Variants in TMEM106B observed in about 807,000 individuals in gnomAD.
TMEM106B encodes the protein transmembrane protein 106B.
A neutral mutation model predicts 31.1 loss-of-function variants in TMEM106B; 15 were observed. The observed-to-expected ratio is 0.48, with a 90% CI of 0.32 to 0.74. The LOEUF is 0.74. Ranked by LOEUF, TMEM106B falls within the 30% of genes least tolerant of loss-of-function variation. The pLI, the probability that TMEM106B is intolerant of heterozygous loss-of-function variation, is 0.03. For missense variants in TMEM106B, 283 were observed against 327.3 expected, an observed-to-expected ratio of 0.86 and a Z score of 1.04; for synonymous variants, 126 against 112.5, an observed-to-expected ratio of 1.12 and a Z score of -0.76.
chr7:12,213,790 C>G (rs1781628536), intron 1 of TMEM106B, among the ~76,000 whole-genome samples: 1 of 152,146 alleles, frequency 6.6e-6, no homozygotes, highest in African/African-American at 2.4e-5. Flanking sequence ...TGAACATTCT[C>G]TTAATGTTTG....
rs1475208014 is a variant in TMEM106B, at chr7:12,239,435, T to G, written c.*7460T>G. 6.6e-6 allele frequency: 1 copy of G among 152,184 alleles called. No individual in the cohort carries two copies. The highest frequency in any genetic ancestry group is 1.5e-5 in the Non-Finnish European group (1 of 68,032). 9.4% of individuals were successfully genotyped at this position (152,184 alleles called of 1,614,324 possible). On this transcript the variant is annotated 3_prime_UTR_variant, in exon 8 of 8. Transcript: ENST00000396668. ...GTTTTCTGGAACACTTTTCAATTAC[T>G]TACAGTAAGGAAATAGCACTTTTAA... is the stretch of plus-strand genomic sequence containing the variant.
chr7:12,213,484 G>A (rs372116228), intron 1 of TMEM106B, among the ~76,000 whole-genome samples: 8 of 152,128 alleles, frequency 5.3e-5, no homozygotes, highest in Admixed American at 3.3e-4. Flanking sequence ...CCTAGTTATC[G>A]TCTACCCAAA....
intron 3 of TMEM106B, among the ~76,000 whole-genome samples, chr7:12,221,224 T>G (rs894078386): frequency 9.9e-5 from 15 of 152,130 alleles, no homozygotes; most frequent in African/African-American, 3.6e-4. Context: ...TTGGTGACAC[T>G]AACAAAACTG....
At position 12,235,718 on chromosome 7, in the gene TMEM106B, A is replaced by G. The variant is rs997617361; in HGVS notation, c.*3743A>G. The G allele has an allele frequency of 6.6e-6, 1 of 151,716 alleles. No individual in the cohort carries two copies. Among genetic ancestry groups the G allele is most frequent in the Non-Finnish European group, 1.5e-5 (1 of 67,812 alleles). 9.4% of individuals were successfully genotyped at this position (151,716 alleles called of 1,614,324 possible). On this transcript the variant is annotated 3_prime_UTR_variant, in exon 8 of 8. Transcript: ENST00000396668. The stretch of plus-strand genomic sequence containing the variant: ...TAGAATAAACAGTTCTTTATATAAT[A>G]ATTATATTTTATTTAAGAAAATAGT...
rs763925906 is a variant in TMEM106B at position 12,214,949 on chromosome 7, C to G, written c.139C>G (p.Gln47Glu). The change falls in exon 2 of 8, where the codon CAG becomes GAG. Residue 47 changes from glutamine (Q) to glutamate (E), a missense_variant. Gln to Glu is a conservative substitution (Grantham distance 29, BLOSUM62 2). Coordinates refer to ENST00000396668, the MANE Select transcript of TMEM106B (RefSeq NM_001134232.2). Reference protein sequence around the residue: ...NEDGRNGDVSQFPYVEFTGRD... With the variant: ...NEDGRNGDVSEFPYVEFTGRD... ...AGATGGAAGAAATGGAGATGTCTCT[C>G]AGTTTCCATATGTGGAATTTACAGG... 49 of 1,614,050 alleles carry G rather than the reference C, an allele frequency of 3.0e-5. No homozygotes were observed. The highest frequency in any genetic ancestry group is 4.1e-5 in the Non-Finnish European group (48 of 1,179,944).
Position 12,243,183 on chromosome 7 carries a change from T to G in TMEM106B, c.*11208T>G, listed in dbSNP as rs1782263549. The G allele has an allele frequency of 6.6e-6, 1 of 152,094 alleles. No homozygotes were observed. 9.4% of individuals were successfully genotyped at this position (152,094 alleles called of 1,614,324 possible). A position where few individuals can be genotyped will look rare whatever the true frequency, so the allele number is the denominator to read the frequency against. On this transcript the variant is annotated 3_prime_UTR_variant, in exon 8 of 8. Transcript: ENST00000396668. ...CAAGAAGAGGAGGCCATTACATTAC[T>G]GTTGTATTAAAAAGTCAGTTCAGGC... is the stretch of plus-strand genomic sequence containing the variant.
chr7:12,219,825 A>G (rs2128524967), intron 3 of TMEM106B, among the ~76,000 whole-genome samples: 1 of 152,316 alleles, frequency 6.6e-6, no homozygotes, highest in East Asian at 1.9e-4. Context: ...AATGTCTAAA[A>G]GTCACATAAA....
Position 12,224,239 on chromosome 7 carries a change from A to G in TMEM106B, c.295A>G (p.Met99Val), listed in dbSNP as rs2128525980. The change falls in exon 4 of 8, where the codon ATG becomes GTG. Residue 99 changes from methionine to valine, a missense_variant. Transcript: ENST00000396668. ...TTTCCTTTTCAGAAAGCTGTATGTG[A>G]TGGCTTCTGTGTTTGTCTGTCTACT... is the stretch of plus-strand genomic sequence containing the variant. ...LRPRRTKLYV[M>V]ASVFVCLLLS... is the part of the protein sequence containing the mutation. 1 of 1,613,386 alleles carries G rather than the reference A, an allele frequency of 6.2e-7. No individual in the cohort carries two copies. Among genetic ancestry groups the G allele is most frequent in the Admixed American group, 1.7e-5 (1 of 59,974 alleles).
At chr7:12,228,854 A>G (rs913604168) in intron 4 of TMEM106B, among the ~76,000 whole-genome samples, 1 of 152,076 alleles carries the variant, frequency 6.6e-6, no homozygotes, top group Non-Finnish European at 1.5e-5. Flanking sequence ...TTTCCTAACT[A>G]TAAATGAATT....
At chr7:12,222,003 G>T (rs1781798767) in intron 3 of TMEM106B, among the ~76,000 whole-genome samples, 2 of 151,980 alleles carry the variant, frequency 1.3e-5, no homozygotes, top group Admixed American at 6.6e-5. Flanking sequence ...AACAACTTTG[G>T]GTCTTTATTT....
chr7:12,226,757 G>A (rs1395041115), intron 4 of TMEM106B, among the ~76,000 whole-genome samples: 2 of 152,048 alleles, frequency 1.3e-5, no homozygotes, highest in Non-Finnish European at 1.5e-5. Flanking sequence ...GCCGGTTTAA[G>A]GGCTTTTTCT....
Position 12,237,722 on chromosome 7 carries a change from G to C in TMEM106B, c.*5747G>C, listed in dbSNP as rs1266347660. 1 of 151,738 alleles carries C rather than the reference G, an allele frequency of 6.6e-6. No individual in the cohort carries two copies. Among genetic ancestry groups the C allele is most frequent in the East Asian group, 1.9e-4 (1 of 5,140 alleles). The allele number at this position is 151,738 out of a possible 1,614,324, so 9.4% of individuals were successfully genotyped here. ...GCAGTGGCTCACACCTGTAATCCCA[G>C]CACTTTCGGAGGCCAAGGTGGGAGG... On this transcript the variant is annotated 3_prime_UTR_variant, in exon 8 of 8. Transcript: ENST00000396668.
At chr7:12,218,823 C>G (rs555279668) in intron 3 of TMEM106B, among the ~76,000 whole-genome samples, 1 of 150,678 alleles carries the variant, frequency 6.6e-6, no homozygotes, top group Non-Finnish European at 1.5e-5. Context: ...AAGGTGTACT[C>G]CACAACCCCA....
In TMEM106B at chr7:12,236,729, C is replaced by T. The variant is rs1043485461; in HGVS notation, c.*4754C>T. 3 of 151,854 alleles carry T rather than the reference C, an allele frequency of 2.0e-5. No homozygotes were observed. Among genetic ancestry groups the T allele is most frequent in the Non-Finnish European group, 4.4e-5 (3 of 67,890 alleles). 9.4% of individuals were successfully genotyped at this position (151,854 alleles called of 1,614,324 possible). A position where few individuals can be genotyped will look rare whatever the true frequency, so the allele number is the denominator to read the frequency against. On this transcript the variant is annotated 3_prime_UTR_variant, in exon 8 of 8. Transcript: ENST00000396668. ...TCCAAGTGCTGATAGTACTATTCATCTTTTTTATTATTGTGTCAGATGAAA... is the reference window on the plus strand; with the variant it reads ...TCCAAGTGCTGATAGTACTATTCATTTTTTTTATTATTGTGTCAGATGAAA...
In TMEM106B at chr7:12,238,569, T is replaced by A. The variant is rs1001463140; in HGVS notation, c.*6594T>A. The A allele has an allele frequency of 1.3e-5, 2 of 152,190 alleles. No homozygotes were observed. Among genetic ancestry groups the A allele is most frequent in the Non-Finnish European group, 2.9e-5 (2 of 68,066 alleles). 9.4% of individuals were successfully genotyped at this position (152,190 alleles called of 1,614,324 possible). ...GATCCATCAGAGGAATCACTACCTA[T>A]GACAGCTATGGTCTTACAAAATGTA... is the stretch of plus-strand genomic sequence containing the variant. On this transcript the variant is annotated 3_prime_UTR_variant, in exon 8 of 8. Coordinates refer to ENST00000396668, the MANE Select transcript of TMEM106B (RefSeq NM_001134232.2).
At chr7:12,215,091 A>T in intron 2 of TMEM106B, 64 bp downstream of exon 2, 1 of 1,443,626 alleles carries the variant, frequency 6.9e-7, no homozygotes, top group Non-Finnish European at 9.4e-7. Context: ...TATTATAAAA[A>T]CTGTGGGTCT....
Position 12,224,167 on chromosome 7 carries a change from A to T in TMEM106B, c.282-59A>T, listed in dbSNP as rs913477255. On this transcript the variant is annotated intron_variant, in intron 3 of 7. Transcript: ENST00000396668. ...GGGGAAATTGAACATACCTTCTCTA[A>T]TGTTGTGTTATATAATTTCTGATGC... The T allele has an allele frequency of 1.1e-5, 16 of 1,484,674 alleles. No individual in the cohort carries two copies. The African/African-American group carries it at 1.3e-4, about 12-fold the overall frequency. The allele number at this position is 1,484,674 out of a possible 1,614,324, so 92.0% of individuals were successfully genotyped here.
Position 12,243,088 on chromosome 7 carries a change from A to T in TMEM106B, c.*11113A>T, listed in dbSNP as rs1163271184. The T allele has an allele frequency of 1.3e-5, 2 of 152,046 alleles. No individual in the cohort carries two copies. Among genetic ancestry groups the T allele is most frequent in the African/African-American group, 2.4e-5 (1 of 41,432 alleles). 9.4% of individuals were successfully genotyped at this position (152,046 alleles called of 1,614,324 possible). On this transcript the variant is annotated 3_prime_UTR_variant, in exon 8 of 8. Transcript: ENST00000396668. Reference sequence around the variant, plus strand: ...CTTTAAAAAAGCTTTAATATTTTCAAGGTTTTTTATTTATATAAATATTGT... The same window carrying T: ...CTTTAAAAAAGCTTTAATATTTTCATGGTTTTTTATTTATATAAATATTGT...
intron 4 of TMEM106B, among the ~76,000 whole-genome samples, chr7:12,227,593 T>G (rs2128526771): frequency 6.6e-6 from 1 of 152,174 alleles, no homozygotes; most frequent in African/African-American, 2.4e-5. Flanking sequence ...ATTTTCTTAA[T>G]GAATGTTTAA....
Sources: gnomAD v4.1 joint callset for allele counts (sites outside exome capture counted in the v4.1 genomes callset) on GRCh38, gnomAD v4.1.1 for gene constraint, MANE v1.5 for transcripts, NCBI Gene and HGNC (gene_info 2026-07-23, HGNC 2026-07-21) for gene names.